The following GRM8 variants were observed in gnomAD, a reference collection of about 807,000 sequenced individuals.
The protein encoded by GRM8 is metabotropic glutamate receptor 8.
GRM8 carries 47 observed loss-of-function variants against 87.2 expected under a neutral mutation model. The observed-to-expected ratio is 0.54, with a 90% CI of 0.43 to 0.69. The LOEUF (loss-of-function observed/expected upper bound fraction) is 0.69. Ranked by LOEUF, GRM8 falls within the 30% of genes least tolerant of loss-of-function variation. The pLI is 0.00. For synonymous variants in GRM8, 396 were observed against 404.5 expected, an observed-to-expected ratio of 0.98 and a Z score of 0.25; for missense variants, 1,019 against 1,139.2, an observed-to-expected ratio of 0.89 and a Z score of 1.52.
At chr7:127,055,234 A>G (rs1819868426) in intron 3 of GRM8, among the ~76,000 whole-genome samples, 1 of 151,784 alleles carries the variant, frequency 6.6e-6, no homozygotes, top group Admixed American at 6.6e-5. Context: ...TCTACAGAAA[A>G]GAAAACTAAA....
At chr7:126,468,564 C>G (rs763013431) in intron 9 of GRM8, among the ~76,000 whole-genome samples, 2 of 152,030 alleles carry the variant, frequency 1.3e-5, no homozygotes, top group Non-Finnish European at 2.9e-5. Context: ...TATAAGCCCT[C>G]TCATATTCAT....
chr7:127,039,596 G>C (rs952100125), intron 3 of GRM8, among the ~76,000 whole-genome samples: 10 of 143,276 alleles, frequency 7.0e-5, no homozygotes, highest in African/African-American at 1.0e-4. Flanking sequence ...CACAATGCTG[G>C]TCTGGTCTGC....
At chr7:126,466,831 C>T (rs934380292) in intron 9 of GRM8, among the ~76,000 whole-genome samples, 2 of 151,884 alleles carry the variant, frequency 1.3e-5, no homozygotes, top group African/African-American at 2.4e-5. Context: ...ATGCTAATCT[C>T]TTCTGGAAAC....
At chr7:127,139,784 T>A (rs1021921836) in intron 2 of GRM8, among the ~76,000 whole-genome samples, 2 of 152,116 alleles carry the variant, frequency 1.3e-5, no homozygotes, top group Admixed American at 6.5e-5. Context: ...TCCTTAACTT[T>A]AAGCTCTTTC....
chr7:126,452,712 G>A (rs1802761624), intron 9 of GRM8, among the ~76,000 whole-genome samples: 1 of 151,618 alleles, frequency 6.6e-6, no homozygotes, highest in South Asian at 2.1e-4. Context: ...TGGTAATAAT[G>A]GGCCATTTTG....
chr7:127,238,678 T>C (rs183764805), intron 2 of GRM8, among the ~76,000 whole-genome samples: 1 of 152,340 alleles, frequency 6.6e-6, no homozygotes, highest in East Asian at 1.9e-4. Context: ...CCAGGTTGTG[T>C]CCAGCTCCAG....
chr7:126,870,829 G>A (rs566390720), intron 6 of GRM8, among the ~76,000 whole-genome samples: 2 of 152,292 alleles, frequency 1.3e-5, no homozygotes, highest in East Asian at 3.9e-4. Flanking sequence ...TAGAAAATTG[G>A]CACTGATAGA....
intron 2 of GRM8, among the ~76,000 whole-genome samples, chr7:127,226,285 G>A (rs1465278775): frequency 6.6e-6 from 1 of 152,138 alleles, no homozygotes. Flanking sequence ...GGCTGTAGAG[G>A]GCAGAGTCAG....
intron 3 of GRM8, among the ~76,000 whole-genome samples, chr7:126,946,843 A>G (rs1392888346): frequency 6.6e-6 from 1 of 152,234 alleles, no homozygotes; most frequent in Non-Finnish European, 1.5e-5. Flanking sequence ...TAAAATTTTT[A>G]AGAGTGGAAA....
intron 9 of GRM8, among the ~76,000 whole-genome samples, chr7:126,497,799 C>A (rs559942356): frequency 6.6e-6 from 1 of 151,882 alleles, no homozygotes; most frequent in Non-Finnish European, 1.5e-5. Flanking sequence ...GCAGTAGTAA[C>A]CTATGATGCT....
chr7:126,494,790 T>C (rs567491638), intron 9 of GRM8, among the ~76,000 whole-genome samples: 97 of 152,150 alleles, frequency 6.4e-4, no homozygotes, highest in Non-Finnish European at 5.0e-4. Context: ...TGAAAATACA[T>C]TGATACTCTG....
At chr7:127,051,739 C>A (rs7792406) in intron 3 of GRM8, among the ~76,000 whole-genome samples, 22,654 of 58,584 alleles carry the variant, frequency 0.39, 3,115 homozygotes, top group Middle Eastern at 0.44. Flanking sequence ...TAATGTTGAG[C>A]AAAAAAAAAA....
At chr7:126,539,601 T>C (rs1218117203) in intron 8 of GRM8, among the ~76,000 whole-genome samples, 3 of 152,058 alleles carry the variant, frequency 2.0e-5, no homozygotes, top group African/African-American at 7.2e-5. Flanking sequence ...AACAAATTAG[T>C]GGCATAGACT....
At chr7:126,496,081 T>C (rs1808683422) in intron 9 of GRM8, among the ~76,000 whole-genome samples, 1 of 151,956 alleles carries the variant, frequency 6.6e-6, no homozygotes, top group Non-Finnish European at 1.5e-5. Flanking sequence ...GGGTAGTAAA[T>C]AGGACTCTGA....
chr7:126,558,315 T>G (rs898493548), intron 8 of GRM8, among the ~76,000 whole-genome samples: 2 of 152,174 alleles, frequency 1.3e-5, no homozygotes, highest in African/African-American at 4.8e-5. Context: ...GATATCATAA[T>G]TGTACAATTG....
intron 7 of GRM8, among the ~76,000 whole-genome samples, chr7:126,767,014 T>TC (rs1225227443): frequency 1.3e-5 from 2 of 152,174 alleles, no homozygotes; most frequent in East Asian, 3.9e-4. Flanking sequence ...CTGGGACTCT[T>TC]CAAGGTACTT....
chr7:127,191,536 A>T (rs1452583413), intron 2 of GRM8, among the ~76,000 whole-genome samples: 1 of 151,972 alleles, frequency 6.6e-6, no homozygotes, highest in African/African-American at 2.4e-5. Context: ...AGTGACTATC[A>T]CTCTGATGCC....
chr7:126,730,332 T>C lies in GRM8; in HGVS notation c.1357+39533A>G, dbSNP rs185844961. Among the ~76,000 whole-genome samples the C allele has an allele frequency of 7.9e-5, 12 of 152,158 alleles. No individual in the cohort carries two copies. The East Asian group carries it at 1.9e-3, about 25-fold the overall frequency. ...GTATTTGTATGGATAGGAAAAAAAA[T>C]AAAATAAGAGCACTTTTGAAGTTGG... On this transcript the variant is annotated intron_variant, in intron 7 of 10. Transcript: ENST00000339582.
At chr7:126,729,760 T>A (rs1813397216) in intron 7 of GRM8, among the ~76,000 whole-genome samples, 2 of 152,136 alleles carry the variant, frequency 1.3e-5, no homozygotes, top group African/African-American at 4.8e-5. Context: ...AGCTCTGAAA[T>A]CCCACTGAAG....
Sources: gnomAD v4.1 joint callset for allele counts (sites outside exome capture counted in the v4.1 genomes callset) on GRCh38, gnomAD v4.1.1 for gene constraint, MANE v1.5 for transcripts, NCBI Gene and HGNC (gene_info 2026-07-23, HGNC 2026-07-21) for gene names.